Variants in SORL1-AS1 observed in about 807,000 individuals in gnomAD.
SORL1-AS1 encodes SORL1 antisense RNA 1.
downstream of SORL1-AS1, among the ~76,000 whole-genome samples, chr11:121,445,604 A>G (rs1429356769): frequency 6.6e-6 from 1 of 151,784 alleles, no homozygotes; most frequent in Admixed American, 6.6e-5. Flanking sequence ...TTCTCCTCAG[A>G]CGCTGAAAAT....
Position 121,450,246 on chromosome 11 carries a change from A to T in SORL1-AS1, n.340-347T>A, listed in dbSNP as rs1860772156. 6.6e-6 allele frequency among the ~76,000 whole-genome samples: 1 copy of T among 152,148 alleles called. No individual in the cohort carries two copies. Among genetic ancestry groups the T allele is most frequent in the African/African-American group, 2.4e-5 (1 of 41,424 alleles). ...ATTGAATCATCTACAGGATGTTCTC[A>T]CTTTAGCCATATTCCCTTCATTTTC... On this transcript the variant is annotated intron_variant and non_coding_transcript_variant, in intron 1 of 1. Coordinates refer to ENST00000501964, the Ensembl canonical transcript of SORL1-AS1. The surrounding 1 kb of genome is among the most constrained non-coding windows in gnomAD (Gnocchi z 5.2).
At chr11:121,449,323 T>C (rs942466026) in exon 2 of SORL1-AS1, 2 of 152,214 alleles carry the variant, frequency 1.3e-5, no homozygotes, top group Non-Finnish European at 2.9e-5. Context: ...ACCCCAACTT[T>C]GATGTTACTT....
At chr11:121,451,252 CA>C (rs1161150963) in intron 1 of SORL1-AS1, among the ~76,000 whole-genome samples, 4 of 151,836 alleles carry the variant, frequency 2.6e-5, no homozygotes. Context: ...CACTAACCTG[CA>C]AAAAAAATAT....
chr11:121,452,382 C>T lies in SORL1-AS1; in HGVS notation n.339+293G>A. 2 of 1,551,314 alleles carry T rather than the reference C, an allele frequency of 1.3e-6. 1 individual carries two copies. The highest frequency in any genetic ancestry group is 2.4e-5 in the South Asian group (2 of 83,624). On this transcript the variant is annotated intron_variant and non_coding_transcript_variant, in intron 1 of 1. Coordinates refer to ENST00000501964, the Ensembl canonical transcript of SORL1-AS1. This position sits in a 1 kb window ranked among gnomAD's most constrained non-coding sequence, Gnocchi z 5.3. ...AGTCGCGACTCCCGTTCCTATTCAC[C>T]CTGGTCGCACTGCTGCCGCCCGGAG...
Position 121,452,781 on chromosome 11 carries a change from T to A in SORL1-AS1, n.233A>T. The A allele has an allele frequency of 1.8e-6, 1 of 550,604 alleles. No homozygotes were observed. Among genetic ancestry groups the A allele is most frequent in the Non-Finnish European group, 3.0e-6 (1 of 335,950 alleles). The allele number at this position is 550,604 out of a possible 1,614,324, so 34.1% of individuals were successfully genotyped here. A position where few individuals can be genotyped will look rare whatever the true frequency, so the allele number is the denominator to read the frequency against. On this transcript the variant is annotated non_coding_transcript_exon_variant, in exon 1 of 2. Transcript: ENST00000501964. The surrounding 1 kb of genome is among the most constrained non-coding windows in gnomAD (Gnocchi z 5.3). ...ACGAGTACAACCGTCAGCACTTGAA[T>A]CGCATTGATCTTTCCTTCTTCCTGT... is the stretch of plus-strand genomic sequence containing the variant.
chr11:121,440,331 G>A, the SORL1-AS1 span, among the ~76,000 whole-genome samples: 1 of 152,166 alleles, frequency 6.6e-6, no homozygotes, highest in African/African-American at 2.4e-5. Context: ...CCGAGAGCAT[G>A]CCACTGCCCT....
downstream of SORL1-AS1, among the ~76,000 whole-genome samples, chr11:121,442,804 G>A (rs1245702872): frequency 3.3e-5 from 5 of 149,742 alleles, no homozygotes; most frequent in Non-Finnish European, 4.5e-5. Context: ...TCAGCCTCCC[G>A]AGTAGCTGGG....
At chr11:121,444,574 G>A (rs947589443), downstream of SORL1-AS1, among the ~76,000 whole-genome samples, 8 of 152,138 alleles carry the variant, frequency 5.3e-5, 1 homozygote, top group Non-Finnish European at 8.8e-5. Flanking sequence ...TTCAATCTCT[G>A]GTTCCATTTT....
At chr11:121,449,347 G>A (rs1860761095) in exon 2 of SORL1-AS1, 1 of 152,192 alleles carries the variant, frequency 6.6e-6, no homozygotes. Context: ...AGGGATAGAG[G>A]AAGTGGTAGC....
the SORL1-AS1 span, among the ~76,000 whole-genome samples, chr11:121,438,354 A>C: frequency 6.6e-6 from 1 of 152,164 alleles, no homozygotes; most frequent in Admixed American, 6.5e-5. Context: ...ACAGACCTTA[A>C]GTGTATAATT....
chr11:121,451,447 GT>G (rs1423030372), intron 1 of SORL1-AS1, among the ~76,000 whole-genome samples: 2 of 152,198 alleles, frequency 1.3e-5, no homozygotes, highest in African/African-American at 2.4e-5. Context: ...CTGAGGCAGG[GT>G]GGCTCAGTGC....
chr11:121,450,156 G>C lies in SORL1-AS1; in HGVS notation n.340-257C>G, dbSNP rs1334164695. ...GAGACTCCTGTCTCTGTTTTCTGCT[G>C]GGACTCTGACACTTGCTCTTGCAGA... is the stretch of plus-strand genomic sequence containing the variant. On this transcript the variant is annotated intron_variant and non_coding_transcript_variant, in intron 1 of 1. Transcript: ENST00000501964. This position sits in a 1 kb window ranked among gnomAD's most constrained non-coding sequence, Gnocchi z 5.2. Among the ~76,000 whole-genome samples the C allele has an allele frequency of 1.3e-5, 2 of 152,188 alleles. No homozygotes were observed. The highest frequency in any genetic ancestry group is 2.9e-5 in the Non-Finnish European group (2 of 68,030).
At chr11:121,441,517 C>G in the SORL1-AS1 span, among the ~76,000 whole-genome samples, 2 of 100,242 alleles carry the variant, frequency 2.0e-5, no homozygotes, top group African/African-American at 9.9e-5. Flanking sequence ...GGTGACAGAG[C>G]GAGACTCTGT....
the SORL1-AS1 span, among the ~76,000 whole-genome samples, chr11:121,439,403 T>C: frequency 2.0e-5 from 3 of 151,772 alleles, no homozygotes; most frequent in Non-Finnish European, 1.5e-5. Flanking sequence ...CGAAGTCTTC[T>C]GCTTGTTTAA....
intron 1 of SORL1-AS1, among the ~76,000 whole-genome samples, chr11:121,451,624 A>C (rs1385503366): frequency 6.6e-6 from 1 of 152,170 alleles, no homozygotes; most frequent in Non-Finnish European, 1.5e-5. Context: ...TCTGTGCAGG[A>C]TGTTTATTTG....
chr11:121,452,840 G>A lies in SORL1-AS1; in HGVS notation n.174C>T. 1 of 472,720 alleles carries A rather than the reference G, an allele frequency of 2.1e-6. No homozygotes were observed. The highest frequency in any genetic ancestry group is 3.7e-6 in the Non-Finnish European group (1 of 271,490). 29.3% of individuals were successfully genotyped at this position (472,720 alleles called of 1,614,324 possible). On this transcript the variant is annotated non_coding_transcript_exon_variant, in exon 1 of 2. Transcript: ENST00000501964. This position sits in a 1 kb window ranked among gnomAD's most constrained non-coding sequence, Gnocchi z 5.3. The stretch of plus-strand genomic sequence containing the variant: ...TAAACGTATTCCAGGTAACTCGCCG[G>A]GTGCAGTGCGTATTACCCCAGGGTG...
chr11:121,439,716 A>C, the SORL1-AS1 span, among the ~76,000 whole-genome samples: 1 of 152,226 alleles, frequency 6.6e-6, no homozygotes, highest in African/African-American at 2.4e-5. Flanking sequence ...TAACATTTAA[A>C]GACGGTGAGT....
chr11:121,447,719 C>T (rs578060470), exon 2 of SORL1-AS1: 16 of 152,238 alleles, frequency 1.1e-4, no homozygotes, highest in African/African-American at 3.6e-4. Flanking sequence ...CAGGACTGGA[C>T]TTGTGAGCTT....
the SORL1-AS1 span, among the ~76,000 whole-genome samples, chr11:121,440,549 C>A: frequency 6.6e-6 from 1 of 152,176 alleles, no homozygotes; most frequent in Non-Finnish European, 1.5e-5. Flanking sequence ...TTCATAGAAA[C>A]CAGAATTCCT....
Sources: allele counts gnomAD v4.1 joint callset (sites outside exome capture counted in the v4.1 genomes callset), GRCh38; gene constraint gnomAD v4.1.1; non-coding constraint Gnocchi (gnomAD v3.1); transcripts MANE v1.5; gene names NCBI Gene and HGNC (gene_info 2026-07-23, HGNC 2026-07-21).